CACNA1D: variants seen among roughly 807,000 people sequenced by gnomAD.
CACNA1D encodes calcium voltage-gated channel subunit alpha1 D.
A neutral mutation model predicts 257.1 loss-of-function variants in CACNA1D; 55 were observed. The observed-to-expected ratio is 0.21, with a 90% confidence interval of 0.17 to 0.27. CACNA1D has a LOEUF of 0.27. Among genes scored for constraint, CACNA1D ranks in the 10% least tolerant of loss-of-function variants. The probability of loss-of-function intolerance (pLI) is 1.00; values close to 1 mark genes in which losing one functional copy is unlikely to be tolerated. For missense variants in CACNA1D, 1,876 were observed against 2,784.0 expected, an observed-to-expected ratio of 0.67 and a Z score of 7.34; for synonymous variants, 980 against 1,014.9, an observed-to-expected ratio of 0.97 and a Z score of 0.65.
intron 8 of CACNA1D, among the ~76,000 whole-genome samples, chr3:53,682,378 A>AC (rs1559509205): frequency 2.1e-5 from 3 of 144,732 alleles, no homozygotes; most frequent in East Asian, 4.0e-4. Context: ...AAAAAAAAAA[A>AC]AAAAAAAAAA....
intron 3 of CACNA1D, among the ~76,000 whole-genome samples, chr3:53,592,718 T>G (rs1173768466): frequency 6.6e-6 from 1 of 152,072 alleles, no homozygotes; most frequent in Non-Finnish European, 1.5e-5. Context: ...GTTTTTTTTT[T>G]TTTAGATGGA....
At chr3:53,770,061 A>T (rs2095357881) in intron 31 of CACNA1D, 44 bp downstream of exon 31, 1 of 1,483,650 alleles carries the variant, frequency 6.7e-7, no homozygotes. Flanking sequence ...CTTTTCCTTA[A>T]GTTTATTTGA....
intron 2 of CACNA1D, 77 bp from the exon 3 acceptor site, chr3:53,501,538 G>A: frequency 2.5e-6 from 2 of 794,926 alleles, no homozygotes; most frequent in Admixed American, 1.8e-5. Context: ...TGCTTTGAAA[G>A]TGGTGTGATC....
intron 40 of CACNA1D, among the ~76,000 whole-genome samples, chr3:53,798,311 G>T (rs533657238): frequency 6.8e-6 from 1 of 146,760 alleles, no homozygotes; most frequent in African/African-American, 2.5e-5. Context: ...ATGTGTGCGT[G>T]TGTGTGTGTG....
intron 3 of CACNA1D, among the ~76,000 whole-genome samples, chr3:53,574,449 A>G (rs1214191563): frequency 6.6e-6 from 1 of 152,178 alleles, no homozygotes; most frequent in Non-Finnish European, 1.5e-5. Context: ...TTTTAATTCT[A>G]AAGTAAATCA....
chr3:53,776,184 G>T (rs1364818369), intron 35 of CACNA1D, 139 bp downstream of exon 35: 1 of 820,210 alleles, frequency 1.2e-6, no homozygotes, highest in Non-Finnish European at 2.1e-6. Flanking sequence ...CTTGGCAGTT[G>T]AGGGCTTTTG....
intron 8 of CACNA1D, among the ~76,000 whole-genome samples, chr3:53,693,693 T>C (rs1279161746): frequency 1.3e-5 from 2 of 152,182 alleles, no homozygotes; most frequent in African/African-American, 4.8e-5. Context: ...TCTCTTTGCC[T>C]TTATAAGTGT....
intron 3 of CACNA1D, among the ~76,000 whole-genome samples, chr3:53,517,672 CG>C (rs1246950074): frequency 2.0e-5 from 3 of 151,918 alleles, no homozygotes; most frequent in Non-Finnish European, 4.4e-5. Flanking sequence ...TTAGTAGAGA[CG>C]GGGTTTCACC....
chr3:53,803,482 G>A lies in CACNA1D; in HGVS notation c.5495G>A (p.Gly1832Asp). ...TICREDPEIH[G>D]YFRDPHCLGE... ...TGCCGGGAAGACCCAGAGATACATGGCTATTTCAGGGACCCCCACTGCTTG... is the reference window on the plus strand; with the variant it reads ...TGCCGGGAAGACCCAGAGATACATGACTATTTCAGGGACCCCCACTGCTTG... Residue 1832 changes from glycine to aspartate, a missense_variant, in exon 44 of 48, where the codon GGC becomes GAC. This residue lies in a region of CACNA1D where 491 missense variants were observed against 554.3 expected (regional missense o/e 0.89). Coordinates refer to ENST00000350061, the MANE Select transcript of CACNA1D (RefSeq NM_001128840.3). 1 of 1,614,006 alleles carries A rather than the reference G, an allele frequency of 6.2e-7. No individual in the cohort carries two copies. The highest frequency in any genetic ancestry group is 1.1e-5 in the South Asian group (1 of 91,072).
intron 29 of CACNA1D, among the ~76,000 whole-genome samples, chr3:53,758,299 T>C (rs1345777126): frequency 2.0e-5 from 3 of 152,166 alleles, no homozygotes; most frequent in Admixed American, 6.5e-5. Context: ...CCTGCCAGCA[T>C]GGGTAAGAGA....
chr3:53,528,407 T>C (rs1444075438), intron 3 of CACNA1D, among the ~76,000 whole-genome samples: 1 of 152,230 alleles, frequency 6.6e-6, no homozygotes, highest in Admixed American at 6.5e-5. Context: ...ATGCTATCTC[T>C]GTACTGTTAT....
intron 3 of CACNA1D, among the ~76,000 whole-genome samples, chr3:53,646,815 T>C (rs2094026084): frequency 6.6e-6 from 1 of 152,152 alleles, no homozygotes; most frequent in South Asian, 2.1e-4. Flanking sequence ...TGCTCGGGGA[T>C]AGATGGATAG....
At chr3:53,756,771 A>G (rs1280310908) in intron 29 of CACNA1D, among the ~76,000 whole-genome samples, 1 of 152,210 alleles carries the variant, frequency 6.6e-6, no homozygotes, top group Non-Finnish European at 1.5e-5. Context: ...TGGCTGCAGC[A>G]GGTATAGAGA....
rs2090278316 is a variant in CACNA1D, at chr3:53,494,774, T to TG, written c.-387dup. On this transcript the variant is annotated 5_prime_UTR_variant, in exon 1 of 48. It removes the in-frame stop codon of an upstream open reading frame in the 5' UTR. Coordinates refer to ENST00000350061, the MANE Select transcript of CACNA1D (RefSeq NM_001128840.3). ...CGGCGGGCGGGCAGACGGGCGGGCA[T>TG]GGGGGGAGCGCCGAGCGGCCCCGGC... 6.7e-6 allele frequency: 1 copy of TG among 148,404 alleles called. No individual in the cohort carries two copies. The highest frequency in any genetic ancestry group is 2.5e-5 in the African/African-American group (1 of 40,518). 9.2% of individuals were successfully genotyped at this position (148,404 alleles called of 1,614,324 possible).
intron 43 of CACNA1D, among the ~76,000 whole-genome samples, chr3:53,803,192 T>C (rs967478341): frequency 6.6e-6 from 1 of 152,166 alleles, no homozygotes; most frequent in Admixed American, 6.5e-5. Flanking sequence ...ACCAACATTG[T>C]GCAGGGCACT....
At position 53,811,440 on chromosome 3, in the gene CACNA1D, G is replaced by A. The variant is rs2095600648; in HGVS notation, c.*34G>A. 3 of 1,508,224 alleles carry A rather than the reference G, an allele frequency of 2.0e-6. No individual in the cohort carries two copies. The highest frequency in any genetic ancestry group is 1.3e-5 in the South Asian group (1 of 74,512). 93.4% of individuals were successfully genotyped at this position (1,508,224 alleles called of 1,614,324 possible). Reference sequence around the variant, plus strand: ...GAGGGGCAGACTGGCTCTGGCCTCAGGTGGGGCGCAGGAGAGCCAGGGGAA... The same window carrying A: ...GAGGGGCAGACTGGCTCTGGCCTCAAGTGGGGCGCAGGAGAGCCAGGGGAA... On this transcript the variant is annotated 3_prime_UTR_variant, in exon 48 of 48. Transcript: ENST00000350061. This position sits in a 1 kb window ranked among gnomAD's most constrained non-coding sequence, Gnocchi z 4.2.
chr3:53,801,816 G>C (rs774201619), intron 42 of CACNA1D, among the ~76,000 whole-genome samples: 1 of 152,212 alleles, frequency 6.6e-6, no homozygotes, highest in African/African-American at 2.4e-5. Context: ...CAGCTCTGCC[G>C]TTGCAGTGTG....
At chr3:53,679,157 C>T (rs557407774) in intron 8 of CACNA1D, 1 of 151,146 alleles carries the variant, frequency 6.6e-6, no homozygotes, top group East Asian at 2.0e-4. Context: ...GTAATCCCAG[C>T]TACTTGGGAG....
At chr3:53,767,176 C>T (rs2095337687) in intron 30 of CACNA1D, among the ~76,000 whole-genome samples, 1 of 152,174 alleles carries the variant, frequency 6.6e-6, no homozygotes. Flanking sequence ...CTGGTATAGG[C>T]CACCTGTTAA....
Sources: allele counts gnomAD v4.1 joint callset (sites outside exome capture counted in the v4.1 genomes callset), GRCh38; gene constraint gnomAD v4.1.1; regional missense constraint gnomAD v4.1.1; non-coding constraint Gnocchi (gnomAD v3.1); transcripts MANE v1.5; gene names NCBI Gene and HGNC (gene_info 2026-07-23, HGNC 2026-07-21).